STXBP5L: variants seen among roughly 807,000 people sequenced by gnomAD.
The protein encoded by STXBP5L is syntaxin-binding protein 5-like.
STXBP5L carries 65 observed loss-of-function variants against 144.5 expected under a neutral mutation model. That is an observed-to-expected ratio of 0.45 (90% CI 0.37 to 0.55). The LOEUF (loss-of-function observed/expected upper bound fraction) is 0.55, where lower values mean the gene tolerates loss of function less well. STXBP5L is among the 20% of genes least tolerant of loss of function. STXBP5L has a pLI of 0.00. For missense variants in STXBP5L, 1,298 were observed against 1,405.5 expected (o/e 0.92, Z 1.22); for synonymous variants, 505 against 469.6 (o/e 1.08, Z -0.97).
At chr3:120,964,415 C>T (rs552996865) in intron 3 of STXBP5L, among the ~76,000 whole-genome samples, 7 of 152,226 alleles carry the variant, frequency 4.6e-5, no homozygotes, top group Admixed American at 2.6e-4. Context: ...GCTTTTAGTG[C>T]TATACATACC....
At chr3:121,049,345 G>A (rs796891981) in intron 5 of STXBP5L, among the ~76,000 whole-genome samples, 10 of 152,266 alleles carry the variant, frequency 6.6e-5, no homozygotes, top group African/African-American at 2.2e-4. Flanking sequence ...TGGCCTAAGA[G>A]TCCAGTGTGG....
intron 10 of STXBP5L, among the ~76,000 whole-genome samples, chr3:121,218,501 G>C (rs944710695): frequency 6.6e-6 from 1 of 151,314 alleles, no homozygotes; most frequent in Non-Finnish European, 1.5e-5. Context: ...TAGAGGCAAG[G>C]ACATAAACTA....
At chr3:120,998,797 A>T (rs1377912221) in intron 3 of STXBP5L, among the ~76,000 whole-genome samples, 8 of 152,208 alleles carry the variant, frequency 5.3e-5, no homozygotes, top group Admixed American at 5.2e-4. Flanking sequence ...AAATCTAGGA[A>T]TGCAGCTAAC....
rs773204715 is a variant in STXBP5L at position 120,909,710 on chromosome 3, G to T, written c.132G>T (p.Gly44=). Residue 44 remains glycine, a synonymous_variant, in exon 2 of 27, where the codon GGG becomes GGT. Transcript: ENST00000471454. ...CCGTACATCCGGCGGGGACTGCAGG[G>T]GTTCTCAGAGAGGAAATTCAGGAAA... ...SGSVHPAGTA[G]VLREEIQETL... 3 of 1,611,242 alleles carry T rather than the reference G, an allele frequency of 1.9e-6. No individual in the cohort carries two copies. In the African/African-American group the frequency reaches 4.0e-5, roughly 22 times the overall value.
At chr3:121,200,656 C>T (rs2048103169) in intron 9 of STXBP5L, among the ~76,000 whole-genome samples, 1 of 152,068 alleles carries the variant, frequency 6.6e-6, no homozygotes, top group South Asian at 2.1e-4. Context: ...TTAGCTGTGT[C>T]CCAGAGATTC....
At chr3:120,946,830 T>C (rs1373788361) in intron 2 of STXBP5L, among the ~76,000 whole-genome samples, 3 of 151,736 alleles carry the variant, frequency 2.0e-5, no homozygotes, top group African/African-American at 4.8e-5. Context: ...GAGGCACTTA[T>C]GTCAAATTAA....
At chr3:121,245,257 G>T (rs1413704216) in intron 14 of STXBP5L, among the ~76,000 whole-genome samples, 1 of 150,768 alleles carries the variant, frequency 6.6e-6, no homozygotes, top group Non-Finnish European at 1.5e-5. Flanking sequence ...ATAACTAGAA[G>T]ATATTTTATG....
chr3:120,991,994 A>T (rs9813591), intron 3 of STXBP5L, among the ~76,000 whole-genome samples: 15,260 of 152,132 alleles, frequency 0.1, 1,187 homozygotes, highest in Admixed American at 0.2. Context: ...GCTGCTTTTT[A>T]AAAAAATTAA....
At chr3:121,045,243 T>C (rs903408750) in intron 4 of STXBP5L, among the ~76,000 whole-genome samples, 192 bp from the exon 5 acceptor site, 1 of 152,140 alleles carries the variant, frequency 6.6e-6, no homozygotes, top group Non-Finnish European at 1.5e-5. Flanking sequence ...ATGCAGTGGG[T>C]CAGTTGCCTC....
Position 121,261,386 on chromosome 3 carries a change from G to T in STXBP5L, c.1958+2218G>T, listed in dbSNP as rs559138947. Among the ~76,000 whole-genome samples, 9 of 152,234 alleles carry T rather than the reference G, an allele frequency of 5.9e-5. No homozygotes were observed. The East Asian group carries it at 1.2e-3, about 20-fold the overall frequency. On this transcript the variant is annotated intron_variant, in intron 18 of 26. Coordinates refer to ENST00000471454, the MANE Select transcript of STXBP5L (RefSeq NM_001308330.2). ...TACAAGTATTACTTTAAATGTTCCTGAGAATTATTAAAGATGAAATCATGT... is the reference window on the plus strand; with the variant it reads ...TACAAGTATTACTTTAAATGTTCCTTAGAATTATTAAAGATGAAATCATGT...
chr3:121,246,227 T>C (rs1253845270), intron 14 of STXBP5L, among the ~76,000 whole-genome samples: 1 of 152,196 alleles, frequency 6.6e-6, no homozygotes, highest in East Asian at 1.9e-4. Context: ...GCAAGAGATC[T>C]AGGTTGCACG....
chr3:121,298,814 G>A (rs1330350183), intron 19 of STXBP5L, among the ~76,000 whole-genome samples: 1 of 152,188 alleles, frequency 6.6e-6, no homozygotes, highest in African/African-American at 2.4e-5. Context: ...TATACAAGAT[G>A]AACAAGTTCT....
Position 120,954,991 on chromosome 3 carries a change from G to A in STXBP5L, c.241G>A (p.Val81Ile). The change falls in exon 3 of 27, where the codon GTT (valine) becomes ATT (isoleucine). Residue 81 changes from valine to isoleucine, a missense_variant. By Grantham distance (29) the Val-to-Ile change is conservative. Coordinates refer to ENST00000471454, the MANE Select transcript of STXBP5L (RefSeq NM_001308330.2). ...HQPTALAFDP[V>I]QKILAIGTRT... ...GCCCACAGCATTAGCCTTTGATCCA[G>A]TTCAGAAAATCTTGGCTATTGGGAC... 6.2e-7 allele frequency: 1 copy of A among 1,612,654 alleles called. No homozygotes were observed. The highest frequency in any genetic ancestry group is 8.5e-7 in the Non-Finnish European group (1 of 1,179,192).
chr3:121,083,217 C>T (rs901083317), intron 5 of STXBP5L, among the ~76,000 whole-genome samples: 1 of 151,464 alleles, frequency 6.6e-6, no homozygotes, highest in African/African-American at 2.4e-5. Context: ...ACCAAAAAAA[C>T]AAAAAAAATC....
chr3:121,106,756 C>T (rs1260737711), intron 5 of STXBP5L, among the ~76,000 whole-genome samples: 1 of 152,118 alleles, frequency 6.6e-6, no homozygotes, highest in African/African-American at 2.4e-5. Flanking sequence ...TGGGTATATA[C>T]CCAGTAATGG....
chr3:120,965,109 CTTGT>C (rs1408618090), intron 3 of STXBP5L, among the ~76,000 whole-genome samples: 2 of 150,756 alleles, frequency 1.3e-5, no homozygotes, highest in Admixed American at 6.6e-5. Flanking sequence ...GTTTTTTTTG[CTTGT>C]TTGTTTTCCA....
At chr3:121,315,523 A>G (rs907387904) in intron 19 of STXBP5L, among the ~76,000 whole-genome samples, 2 of 151,282 alleles carry the variant, frequency 1.3e-5, no homozygotes, top group Non-Finnish European at 2.9e-5. Flanking sequence ...TAGGAGATAT[A>G]CCTAATGCTA....
intron 20 of STXBP5L, among the ~76,000 whole-genome samples, chr3:121,327,884 C>T (rs1478887608): frequency 1.3e-5 from 2 of 152,128 alleles, no homozygotes; most frequent in African/African-American, 2.4e-5. Flanking sequence ...TTCCCTCACT[C>T]CAACTGGATT....
At chr3:121,249,886 AG>A (rs1265535055) in intron 14 of STXBP5L, among the ~76,000 whole-genome samples, 10 of 151,982 alleles carry the variant, frequency 6.6e-5, no homozygotes. Flanking sequence ...GTTTATTGAA[AG>A]TTTTTTTTAG....
Sources: allele counts gnomAD v4.1 joint callset (sites outside exome capture counted in the v4.1 genomes callset), GRCh38; gene constraint gnomAD v4.1.1; transcripts MANE v1.5; gene names NCBI Gene and HGNC (gene_info 2026-07-23, HGNC 2026-07-21).